CALN1: variants seen among roughly 807,000 people sequenced by gnomAD.
The protein encoded by CALN1 is calcium-binding protein 8.
A neutral mutation model predicts 30.6 loss-of-function variants in CALN1; 17 were observed. That is an observed-to-expected ratio of 0.56 (90% CI 0.38 to 0.83). The LOEUF is 0.83. CALN1 is among the 40% of genes least tolerant of loss of function. The pLI, the probability that CALN1 is intolerant of heterozygous loss-of-function variation, is 0.00. For synonymous variants in CALN1, 156 were observed against 131.4 expected (o/e 1.19, Z -1.28); for missense variants, 291 against 354.9 (o/e 0.82, Z 1.45).
At chr7:72,327,916 G>A (rs1273522095) in intron 2 of CALN1, among the ~76,000 whole-genome samples, 4 of 152,098 alleles carry the variant, frequency 2.6e-5, no homozygotes, top group African/African-American at 4.8e-5. Flanking sequence ...GAAGAAACTT[G>A]GAGAGTAATT....
intron 6 of CALN1, among the ~76,000 whole-genome samples, chr7:71,806,721 C>T (rs914218975): frequency 1.6e-4 from 15 of 96,224 alleles, no homozygotes; most frequent in African/African-American, 4.8e-4. Flanking sequence ...GTCTGAAGGA[C>T]CCCCCCCCAG....
chr7:71,952,126 C>A (rs928226687), intron 5 of CALN1, among the ~76,000 whole-genome samples: 1 of 152,128 alleles, frequency 6.6e-6, no homozygotes, highest in Non-Finnish European at 1.5e-5. Context: ...AAGAGTCTGC[C>A]CAGCAGCTTC....
At chr7:72,175,863 AACC>A (rs1789312601) in intron 3 of CALN1, among the ~76,000 whole-genome samples, 1 of 152,188 alleles carries the variant, frequency 6.6e-6, no homozygotes, top group Non-Finnish European at 1.5e-5. Context: ...TCTCTTAGGT[AACC>A]ACCAAACTTC....
chr7:72,487,107 G>A, the CALN1 span, among the ~76,000 whole-genome samples: 1 of 152,094 alleles, frequency 6.6e-6, no homozygotes, highest in African/African-American at 2.4e-5. Flanking sequence ...CTGGAGTACA[G>A]TGGTGTGATC....
At chr7:72,084,254 C>G (rs1390527995) in intron 4 of CALN1, among the ~76,000 whole-genome samples, 1 of 152,066 alleles carries the variant, frequency 6.6e-6, no homozygotes, top group Non-Finnish European at 1.5e-5. Flanking sequence ...CTTAGAATAA[C>G]TAAAACTTTG....
Position 72,293,965 on chromosome 7 carries a change from G to A in CALN1, c.120-15155C>T, listed in dbSNP as rs551541549. Among the ~76,000 whole-genome samples, 114 of 152,186 alleles carry A rather than the reference G, an allele frequency of 7.5e-4. 3 individuals are homozygous for A. In the South Asian group the frequency reaches 0.023, roughly 30 times the overall value. ...ATACAAAAATTAGCCAGGCATCATG[G>A]TGCACACCTGTAATCCCAGCTACTC... On this transcript the variant is annotated intron_variant, in intron 2 of 6. Transcript: ENST00000395275.
At chr7:71,927,608 C>G (rs1418751045) in intron 5 of CALN1, among the ~76,000 whole-genome samples, 1 of 152,114 alleles carries the variant, frequency 6.6e-6, no homozygotes, top group East Asian at 1.9e-4. Flanking sequence ...TTGTCTTTCT[C>G]TGTGTGTCTG....
chr7:72,485,688 T>G, the CALN1 span, among the ~76,000 whole-genome samples: 2 of 152,086 alleles, frequency 1.3e-5, no homozygotes, highest in South Asian at 4.2e-4. Flanking sequence ...CTGGCCAACA[T>G]GGTGAAACCC....
At chr7:72,046,709 TAAAAAAA>T (rs59664699) in intron 4 of CALN1, among the ~76,000 whole-genome samples, 530 of 51,834 alleles carry the variant, frequency 0.01, 3 homozygotes, top group Non-Finnish European at 0.015. Flanking sequence ...GACTCCCTCT[TAAAAAAA>T]AAAAAAAAAA....
At chr7:71,924,894 AG>A (rs1795182059) in intron 5 of CALN1, among the ~76,000 whole-genome samples, 1 of 152,326 alleles carries the variant, frequency 6.6e-6, no homozygotes, top group East Asian at 1.9e-4. Flanking sequence ...AATTATTTTT[AG>A]GGTGAATCAA....
chr7:72,323,281 G>T (rs1016063930), intron 2 of CALN1, among the ~76,000 whole-genome samples: 6 of 152,002 alleles, frequency 3.9e-5, no homozygotes, highest in Non-Finnish European at 8.8e-5. Context: ...ACGCTACCAG[G>T]CATCTCATGA....
chr7:71,794,644 A>G (rs1320858007), intron 6 of CALN1, among the ~76,000 whole-genome samples: 1 of 152,234 alleles, frequency 6.6e-6, no homozygotes, highest in Non-Finnish European at 1.5e-5. Flanking sequence ...CCAACTGTAA[A>G]TTGCCAGAGA....
At chr7:72,044,316 A>AG (rs748639557) in intron 4 of CALN1, among the ~76,000 whole-genome samples, 62 of 152,132 alleles carry the variant, frequency 4.1e-4, no homozygotes, top group Admixed American at 7.9e-4. Context: ...TCTATGTGGT[A>AG]GGTTCATCCA....
intron 5 of CALN1, among the ~76,000 whole-genome samples, chr7:71,972,735 G>A (rs1004279206): frequency 1.3e-5 from 2 of 152,106 alleles, no homozygotes; most frequent in Non-Finnish European, 2.9e-5. Context: ...TCATTCACAC[G>A]TGTGCTTGGC....
intron 3 of CALN1, among the ~76,000 whole-genome samples, chr7:72,130,882 T>C (rs1182201770): frequency 1.5e-5 from 1 of 66,680 alleles, no homozygotes; most frequent in African/African-American, 6.2e-5. Context: ...TTAGGTAATT[T>C]GAATAAACAG....
intron 1 of CALN1, 85 bp downstream of exon 1, chr7:72,411,973 A>G (rs1289671831): frequency 6.6e-6 from 1 of 152,174 alleles, no homozygotes; most frequent in Admixed American, 6.5e-5. Flanking sequence ...CCAGACTATG[A>G]AAGTACCCAG....
intron 3 of CALN1, among the ~76,000 whole-genome samples, chr7:72,169,515 ATCTT>A (rs1563117114): frequency 6.7e-6 from 1 of 148,768 alleles, no homozygotes; most frequent in Non-Finnish European, 1.5e-5. Flanking sequence ...CAGATACAGA[ATCTT>A]TCTATGTTGC....
rs1361394421 is a variant in CALN1 at position 71,779,510 on chromosome 7, T to C, written c.*8265A>G. ...CTCTTGTCAAAAGAAAAAAAAACTT[T>C]TATTTTTTCTATTGCATAAATAATG... On this transcript the variant is annotated 3_prime_UTR_variant, in exon 7 of 7. Coordinates refer to ENST00000395275, the MANE Select transcript of CALN1 (RefSeq NM_031468.4). 6.6e-6 allele frequency: 1 copy of C among 152,070 alleles called. No individual in the cohort carries two copies. The highest frequency in any genetic ancestry group is 1.5e-5 in the Non-Finnish European group (1 of 68,034). The allele number at this position is 152,070 out of a possible 1,614,324, so 9.4% of individuals were successfully genotyped here. A position where few individuals can be genotyped will look rare whatever the true frequency, so the allele number is the denominator to read the frequency against.
intron 2 of CALN1, among the ~76,000 whole-genome samples, chr7:72,293,321 T>C (rs777446043): frequency 1.3e-5 from 2 of 152,080 alleles, no homozygotes; most frequent in Non-Finnish European, 2.9e-5. Context: ...TCTAGCACCG[T>C]GGTAGGGGCT....
Sources: allele counts gnomAD v4.1 joint callset (sites outside exome capture counted in the v4.1 genomes callset), GRCh38; gene constraint gnomAD v4.1.1; transcripts MANE v1.5; gene names NCBI Gene and HGNC (gene_info 2026-07-23, HGNC 2026-07-21).